Variants in WDR72 observed in about 807,000 individuals in gnomAD.
WDR72 encodes WD repeat domain 72.
A neutral mutation model predicts 124.2 loss-of-function variants in WDR72; 120 were observed. The observed-to-expected ratio is 0.97, with a 90% CI of 0.83 to 1.12. WDR72 has a LOEUF of 1.12. WDR72 is among the 50% of genes most tolerant of loss of function. The pLI is 0.00. For missense variants in WDR72, 1,387 were observed against 1,278.8 expected, an observed-to-expected ratio of 1.08 and a Z score of -1.29; for synonymous variants, 452 against 441.7, an observed-to-expected ratio of 1.02 and a Z score of -0.29.
intron 8 of WDR72, 82 bp from the exon 9 acceptor site, chr15:53,711,035 C>A (rs766823320): frequency 8.5e-7 from 1 of 1,173,746 alleles, no homozygotes; most frequent in Non-Finnish European, 1.2e-6. Flanking sequence ...TTTCAAAAGC[C>A]GGATGGTACC....
chr15:53,638,096 TTAACTG>T (rs1273700344), intron 14 of WDR72, among the ~76,000 whole-genome samples: 1 of 152,234 alleles, frequency 6.6e-6, no homozygotes, highest in East Asian at 1.9e-4. Context: ...TTTTTTCCTT[TTAACTG>T]TAAGGAATGA....
At chr15:53,548,429 C>G (rs1034737098) in intron 18 of WDR72, among the ~76,000 whole-genome samples, 7 of 152,134 alleles carry the variant, frequency 4.6e-5, no homozygotes, top group African/African-American at 1.7e-4. Flanking sequence ...TGTTGTGCAT[C>G]CGGATCATGT....
intron 1 of WDR72, among the ~76,000 whole-genome samples, chr15:53,744,104 T>C (rs2018582154): frequency 6.6e-6 from 1 of 152,206 alleles, no homozygotes; most frequent in Non-Finnish European, 1.5e-5. Context: ...CGGAGTTCCC[T>C]GTGCTCCTTT....
intron 14 of WDR72, among the ~76,000 whole-genome samples, chr15:53,618,211 C>A (rs1235442651): frequency 6.6e-6 from 1 of 151,874 alleles, no homozygotes. Flanking sequence ...AATTTCTTTG[C>A]TTTCATTTAG....
At chr15:53,732,920 G>C (rs1303208896) in intron 2 of WDR72, 77 bp downstream of exon 2, 2 of 1,549,270 alleles carry the variant, frequency 1.3e-6, no homozygotes, top group African/African-American at 2.7e-5. Context: ...ACCTTCCACT[G>C]TCATTGCAGA....
At chr15:53,611,757 A>G (rs904008915) in intron 16 of WDR72, among the ~76,000 whole-genome samples, 6 of 152,014 alleles carry the variant, frequency 3.9e-5, no homozygotes, top group African/African-American at 1.2e-4. Context: ...TTTTAACGGT[A>G]AAACAGAGAT....
intron 1 of WDR72, among the ~76,000 whole-genome samples, chr15:53,757,893 G>A (rs1440653441): frequency 1.3e-5 from 2 of 151,992 alleles, no homozygotes; most frequent in Non-Finnish European, 2.9e-5. Flanking sequence ...AAACTAGAAC[G>A]TCAGATTTCT....
intron 1 of WDR72, among the ~76,000 whole-genome samples, chr15:53,737,860 T>C (rs927666067): frequency 2.0e-5 from 3 of 152,164 alleles, no homozygotes; most frequent in South Asian, 2.1e-4. Context: ...TACATTTCAA[T>C]GAGACCACGC....
At chr15:53,675,992 C>G (rs565146047) in intron 13 of WDR72, among the ~76,000 whole-genome samples, 1 of 152,280 alleles carries the variant, frequency 6.6e-6, no homozygotes, top group East Asian at 1.9e-4. Context: ...GACTAATGCT[C>G]CAGCAGGCAT....
intron 3 of WDR72, 130 bp downstream of exon 3, chr15:53,722,672 A>G: frequency 1.3e-6 from 1 of 783,078 alleles, no homozygotes; most frequent in Non-Finnish European, 2.2e-6. Context: ...TTCTATATCT[A>G]AATGTTCCTA....
intron 18 of WDR72, among the ~76,000 whole-genome samples, chr15:53,567,256 C>A (rs1226723295): frequency 6.6e-6 from 1 of 151,950 alleles, no homozygotes; most frequent in African/African-American, 2.4e-5. Flanking sequence ...AGGACCTTCA[C>A]ATTTGGAATC....
chr15:53,584,944 G>A (rs1434227820), intron 18 of WDR72, among the ~76,000 whole-genome samples: 2 of 151,934 alleles, frequency 1.3e-5, no homozygotes, highest in Non-Finnish European at 2.9e-5. Context: ...TGTTTATTGG[G>A]AAGTAACACC....
chr15:53,726,216 A>ATGTGTATATATATATATATGTATG (rs2018024531), intron 2 of WDR72, among the ~76,000 whole-genome samples: 1 of 132,042 alleles, frequency 7.6e-6, no homozygotes, highest in African/African-American at 3.4e-5. Context: ...ATATATATGT[A>ATGTGTATATATATATATATGTATG]TGTGTATATA....
At chr15:53,710,803 A>T in intron 9 of WDR72, 54 bp downstream of exon 9, 1 of 1,403,614 alleles carries the variant, frequency 7.1e-7, no homozygotes, top group Non-Finnish European at 1.0e-6. Context: ...AGCAACACTT[A>T]TCCAAGAAAC....
intron 14 of WDR72, among the ~76,000 whole-genome samples, chr15:53,622,705 C>T (rs1196947065): frequency 6.6e-6 from 1 of 151,942 alleles, no homozygotes; most frequent in African/African-American, 2.4e-5. Flanking sequence ...TGGGTTTCTA[C>T]AGGCACAGCA....
intron 3 of WDR72, among the ~76,000 whole-genome samples, chr15:53,719,693 C>T (rs2017818261): frequency 6.6e-6 from 1 of 152,184 alleles, no homozygotes; most frequent in African/African-American, 2.4e-5. Context: ...CCAGCAGTAC[C>T]CGCATAGTCT....
chr15:53,715,331 A>G lies in WDR72; in HGVS notation c.376T>C (p.Trp126Arg), dbSNP rs1158139399. The G allele has an allele frequency of 4.3e-6, 7 of 1,614,080 alleles. No individual in the cohort carries two copies. The South Asian group carries it at 7.7e-5, about 18-fold the overall frequency. ...HCSFRMTGEG[W>R]LLCCGEYQDV... ...TGATATTCTCCACAACAAAGAAGCC[A>G]GCCTTCTCCTGTCATCCGGAATGAG... Residue 126 changes from tryptophan (W) to arginine (R), a missense_variant, in exon 5 of 20, where the codon TGG (tryptophan) becomes CGG (arginine). Trp to Arg is a moderately radical substitution (Grantham distance 101). Transcript: ENST00000360509.
Position 53,665,601 on chromosome 15 carries a change from G to C in WDR72, c.1933C>G (p.Pro645Ala), listed in dbSNP as rs1398821227. The C allele has an allele frequency of 6.2e-7, 1 of 1,613,852 alleles. No homozygotes were observed. Among genetic ancestry groups the C allele is most frequent in the Admixed American group, 1.7e-5 (1 of 59,978 alleles). The change falls in exon 14 of 20, where the codon CCT becomes GCT. Residue 645 changes from proline to alanine, a missense_variant. Pro to Ala is a conservative substitution (Grantham distance 27). Transcript: ENST00000360509. Reference protein sequence around the residue: ...SPYQLGPLPCPGLQVESSCKV... With the variant: ...SPYQLGPLPCAGLQVESSCKV... The stretch of plus-strand genomic sequence containing the variant: ...CATGAAGACTCCACCTGCAGACCAG[G>C]GCAAGGTAATGGCCCAAGCTGGTAG...
chr15:53,647,196 T>C (rs2015074048), intron 14 of WDR72, among the ~76,000 whole-genome samples: 1 of 152,126 alleles, frequency 6.6e-6, no homozygotes, highest in African/African-American at 2.4e-5. Flanking sequence ...GTACAGAACA[T>C]GAAATACTAA....
Sources: gnomAD v4.1 joint callset for allele counts (sites outside exome capture counted in the v4.1 genomes callset) on GRCh38, gnomAD v4.1.1 for gene constraint, MANE v1.5 for transcripts, NCBI Gene and HGNC (gene_info 2026-07-23, HGNC 2026-07-21) for gene names.